Variants in KCNK9 observed in about 807,000 individuals in gnomAD.
KCNK9 encodes the protein potassium two pore domain channel subfamily K member 9, also known as potassium channel subfamily K member 9.
A neutral mutation model predicts 10.8 loss-of-function variants in KCNK9; 1 was observed. The observed-to-expected ratio is 0.09, with a 90% CI of 0.03 to 0.44. KCNK9 has a LOEUF of 0.44. Ranked by LOEUF, KCNK9 falls within the 20% of genes least tolerant of loss-of-function variation. KCNK9 has a pLI of 0.97. For synonymous variants in KCNK9, 231 were observed against 222.7 expected, an observed-to-expected ratio of 1.04 and a Z score of -0.33; for missense variants, 303 against 515.0, an observed-to-expected ratio of 0.59 and a Z score of 3.98.
intron 1 of KCNK9, among the ~76,000 whole-genome samples, chr8:139,684,519 C>A (rs1285082226): frequency 6.6e-6 from 1 of 151,990 alleles, no homozygotes; most frequent in Non-Finnish European, 1.5e-5. Context: ...ATATACATAA[C>A]AAATGCTAAT....
intron 1 of KCNK9, among the ~76,000 whole-genome samples, chr8:139,681,244 G>A (rs1302276259): frequency 6.6e-6 from 1 of 152,176 alleles, no homozygotes; most frequent in Non-Finnish European, 1.5e-5. Flanking sequence ...GTCCATTCAT[G>A]GTCACACAAT....
chr8:139,635,289 G>A (rs765751544), intron 1 of KCNK9, among the ~76,000 whole-genome samples: 7 of 152,224 alleles, frequency 4.6e-5, no homozygotes, highest in Non-Finnish European at 7.3e-5. Flanking sequence ...ACAAGAAAAC[G>A]GAGGCCCGAG....
chr8:139,693,520 C>G lies in KCNK9; in HGVS notation c.283+9190G>C, dbSNP rs1586697231. 2.0e-5 allele frequency among the ~76,000 whole-genome samples: 3 copies of G among 152,222 alleles called. No homozygotes were observed. The South Asian group carries it at 6.2e-4, about 32-fold the overall frequency. On this transcript the variant is annotated intron_variant, in intron 1 of 1. Coordinates refer to ENST00000520439, the MANE Select transcript of KCNK9 (RefSeq NM_001282534.2). The surrounding 1 kb of genome is among the most constrained non-coding windows in gnomAD (Gnocchi z 4.1). ...GCCAGGAGTACCAGCCAGTGTCCAG[C>G]CAGCCTTCCCTGAGCACCTGCTATG... is the stretch of plus-strand genomic sequence containing the variant.
At chr8:139,646,201 C>A (rs1815671387) in intron 1 of KCNK9, among the ~76,000 whole-genome samples, 1 of 152,244 alleles carries the variant, frequency 6.6e-6, no homozygotes, top group Non-Finnish European at 1.5e-5. Context: ...CAAGGTCACA[C>A]CCCTCAGGAA....
rs542201359 is a variant in KCNK9, at chr8:139,679,689, C to T, written c.283+23021G>A. 4.6e-5 allele frequency among the ~76,000 whole-genome samples: 7 copies of T among 152,306 alleles called. No individual in the cohort carries two copies. The South Asian group carries it at 1.5e-3, about 32-fold the overall frequency. ...GGTTACACAGCCTGTATGAGAGGGT[C>T]AGGATTCAAACCCAGGTCTTTTCAA... On this transcript the variant is annotated intron_variant, in intron 1 of 1. Coordinates refer to ENST00000520439, the MANE Select transcript of KCNK9 (RefSeq NM_001282534.2).
downstream of KCNK9, among the ~76,000 whole-genome samples, chr8:139,615,662 T>C (rs1444556984): frequency 6.6e-6 from 1 of 151,814 alleles, no homozygotes; most frequent in South Asian, 2.1e-4. Flanking sequence ...AGAGAAGACA[T>C]AGGAGGGAAA....
intron 1 of KCNK9, among the ~76,000 whole-genome samples, chr8:139,656,724 C>T (rs139153492): frequency 7.4e-4 from 113 of 152,344 alleles, no homozygotes; most frequent in Admixed American, 2.9e-3. Context: ...TCTCCTAGAC[C>T]TGCAGTTTCT....
At chr8:139,630,824 A>G (rs560326965) in intron 1 of KCNK9, among the ~76,000 whole-genome samples, 7 of 152,346 alleles carry the variant, frequency 4.6e-5, no homozygotes, top group Non-Finnish European at 8.8e-5. Flanking sequence ...TCAGTCCCCC[A>G]GAATATCAAA....
intron 1 of KCNK9, among the ~76,000 whole-genome samples, chr8:139,672,817 G>C (rs1220367894): frequency 6.6e-6 from 1 of 152,212 alleles, no homozygotes; most frequent in Non-Finnish European, 1.5e-5. Flanking sequence ...AGGGTGTGCG[G>C]GCGGGGAAGG....
chr8:139,659,602 C>A (rs1026458759), intron 1 of KCNK9, among the ~76,000 whole-genome samples: 5 of 152,170 alleles, frequency 3.3e-5, no homozygotes, highest in Admixed American at 6.5e-5. Flanking sequence ...AGCTCCACCC[C>A]CCAGGTTCAC....
At chr8:139,670,947 C>T (rs1299470485) in intron 1 of KCNK9, among the ~76,000 whole-genome samples, 1 of 152,186 alleles carries the variant, frequency 6.6e-6, no homozygotes, top group Non-Finnish European at 1.5e-5. Context: ...CCCAAGCTGG[C>T]CTGTGACGCG....
At chr8:139,677,642 A>AGCCTGACCC (rs1563747594) in intron 1 of KCNK9, among the ~76,000 whole-genome samples, 2 of 35,500 alleles carry the variant, frequency 5.6e-5, no homozygotes, top group African/African-American at 1.7e-4. Context: ...CCAGCCCAAC[A>AGCCTGACCC]AGACCCCAGG....
At chr8:139,698,003 A>G (rs1675445) in intron 1 of KCNK9, among the ~76,000 whole-genome samples, 6,519 of 152,194 alleles carry the variant, frequency 0.043, 473 homozygotes, top group African/African-American at 0.15. Context: ...ATGGCGCCCT[A>G]GTAGGCCCTT....
intron 1 of KCNK9, among the ~76,000 whole-genome samples, chr8:139,653,815 C>T (rs748040913): frequency 5.2e-5 from 8 of 152,386 alleles, no homozygotes; most frequent in Non-Finnish European, 7.3e-5. Context: ...ACGCGGAGCT[C>T]ACTCCTCCCA....
Position 139,698,990 on chromosome 8 carries a change from G to A in KCNK9, c.283+3720C>T, listed in dbSNP as rs555825259. 2.2e-4 allele frequency among the ~76,000 whole-genome samples: 34 copies of A among 152,252 alleles called. No homozygotes were observed. In the South Asian group the frequency reaches 2.7e-3, roughly 12 times the overall value. ...CAGCAACCACTCCTAGCTTCAGCTG[G>A]GCCCCGAGGTTCTGGGGAAATACTG... On this transcript the variant is annotated intron_variant, in intron 1 of 1. Transcript: ENST00000520439.
At chr8:139,628,734 A>AG (rs1004062361) in intron 1 of KCNK9, among the ~76,000 whole-genome samples, 1 of 152,222 alleles carries the variant, frequency 6.6e-6, no homozygotes, top group Non-Finnish European at 1.5e-5. Flanking sequence ...TGATGCCTTA[A>AG]GGGGGGAAAT....
At chr8:139,698,201 C>G (rs952027718) in intron 1 of KCNK9, among the ~76,000 whole-genome samples, 2 of 152,188 alleles carry the variant, frequency 1.3e-5, no homozygotes, top group Non-Finnish European at 2.9e-5. Context: ...GCCTTATCTG[C>G]GTCAGGTTCC....
At chr8:139,688,603 A>C (rs1816871469) in intron 1 of KCNK9, among the ~76,000 whole-genome samples, 1 of 152,154 alleles carries the variant, frequency 6.6e-6, no homozygotes, top group African/African-American at 2.4e-5. Flanking sequence ...TTGAGATGAA[A>C]TTTGGGTGGG....
chr8:139,644,345 T>C (rs896715855), intron 1 of KCNK9, among the ~76,000 whole-genome samples: 3 of 152,186 alleles, frequency 2.0e-5, no homozygotes, highest in African/African-American at 4.8e-5. Flanking sequence ...CCATTTTTCC[T>C]CTTCTATTAT....
Sources: gnomAD v4.1 joint callset for allele counts (sites outside exome capture counted in the v4.1 genomes callset) on GRCh38, gnomAD v4.1.1 for gene constraint, Gnocchi (gnomAD v3.1) non-coding constraint, MANE v1.5 for transcripts, NCBI Gene and HGNC (gene_info 2026-07-23, HGNC 2026-07-21) for gene names.